The following CTNNA2 variants were observed in gnomAD, a reference collection of about 807,000 sequenced individuals.
CTNNA2 encodes catenin alpha-2.
In CTNNA2, 42 loss-of-function variants were observed where a neutral mutation model predicts 101.0. The ratio of observed to expected loss-of-function variants is 0.42; its 90% CI spans 0.32 to 0.54. The LOEUF is 0.54. Ranked by LOEUF, CTNNA2 falls within the 20% of genes least tolerant of loss-of-function variation. CTNNA2 has a pLI of 0.14. For synonymous variants in CTNNA2, 450 were observed against 456.4 expected, an observed-to-expected ratio of 0.99 and a Z score of 0.18; for missense variants, 871 against 1,223.1, an observed-to-expected ratio of 0.71 and a Z score of 4.29.
intron 7 of CTNNA2, among the ~76,000 whole-genome samples, chr2:80,264,921 T>A (rs1322108400): frequency 6.6e-6 from 1 of 151,540 alleles, no homozygotes; most frequent in East Asian, 1.9e-4. Flanking sequence ...GCATTTCTAA[T>A]GCTTTTTGAC....
chr2:79,358,792 G>T (rs974538909), intron 3 of CTNNA2, among the ~76,000 whole-genome samples: 2 of 152,150 alleles, frequency 1.3e-5, no homozygotes, highest in Non-Finnish European at 2.9e-5. Flanking sequence ...GTTTAAATAA[G>T]TTGTTCAAGT....
At position 80,648,391 on chromosome 2, in the gene CTNNA2, G is replaced by A. The variant is rs570476660; in HGVS notation, c.*519G>A. ...AAGTCTATATCCGTGATATTATGTC[G>A]ATTTTTAACTGAGGGGAAATTAACT... On this transcript the variant is annotated 3_prime_UTR_variant, in exon 19 of 19. Transcript: ENST00000402739. The A allele has an allele frequency of 1.3e-5, 2 of 152,586 alleles. No individual in the cohort carries two copies. The highest frequency in any genetic ancestry group is 2.1e-4 in the South Asian group (1 of 4,832). The allele number at this position is 152,586 out of a possible 1,614,324, so 9.5% of individuals were successfully genotyped here.
intron 9 of CTNNA2, among the ~76,000 whole-genome samples, chr2:80,434,474 T>C (rs573023087): frequency 1.3e-4 from 20 of 151,090 alleles, no homozygotes; most frequent in Non-Finnish European, 2.9e-4. Context: ...TCTGTCTTTC[T>C]TTCTGTGTCT....
At chr2:80,365,891 C>A (rs866311304) in intron 7 of CTNNA2, among the ~76,000 whole-genome samples, 24 of 152,200 alleles carry the variant, frequency 1.6e-4, no homozygotes, top group African/African-American at 5.5e-4. Flanking sequence ...GTGCATTTTT[C>A]CCCCTGTGGT....
intron 7 of CTNNA2, among the ~76,000 whole-genome samples, chr2:80,251,731 A>G (rs967725358): frequency 1.6e-4 from 25 of 152,186 alleles, no homozygotes; most frequent in African/African-American, 6.0e-4. Context: ...AAAATGGCAG[A>G]CAGCAAAACC....
intron 7 of CTNNA2, among the ~76,000 whole-genome samples, chr2:80,042,933 G>A (rs1696165052): frequency 6.6e-6 from 1 of 151,882 alleles, no homozygotes; most frequent in African/African-American, 2.4e-5. Flanking sequence ...TTTCTTCTGT[G>A]GAAGCCCAAG....
chr2:80,417,285 C>T (rs1680131121), intron 8 of CTNNA2, among the ~76,000 whole-genome samples: 1 of 151,056 alleles, frequency 6.6e-6, no homozygotes, highest in Non-Finnish European at 1.5e-5. Context: ...AAAAACCCAC[C>T]TTATCAGCAA....
intron 7 of CTNNA2, among the ~76,000 whole-genome samples, chr2:79,939,888 T>A (rs1688035385): frequency 6.6e-6 from 1 of 151,786 alleles, no homozygotes; most frequent in Non-Finnish European, 1.5e-5. Flanking sequence ...ACGTCGGGAG[T>A]TCGAGACCAG....
chr2:80,420,168 T>C (rs1378700726), intron 9 of CTNNA2, among the ~76,000 whole-genome samples: 1 of 151,518 alleles, frequency 6.6e-6, no homozygotes, highest in Non-Finnish European at 1.5e-5. Flanking sequence ...GAGGAATCTG[T>C]GGGAGTTGTT....
chr2:80,540,793 C>G (rs1219193897), intron 9 of CTNNA2, among the ~76,000 whole-genome samples: 1 of 152,114 alleles, frequency 6.6e-6, no homozygotes, highest in East Asian at 1.9e-4. Flanking sequence ...TTCCCGGTCT[C>G]AAGCGATTCT....
chr2:79,888,089 C>G, intron 6 of CTNNA2, among the ~76,000 whole-genome samples: 1 of 152,148 alleles, frequency 6.6e-6, no homozygotes, highest in Non-Finnish European at 1.5e-5. Flanking sequence ...TTTAGTCTAC[C>G]TATGACAACC....
At chr2:79,432,701 T>G (rs779250864) in intron 4 of CTNNA2, among the ~76,000 whole-genome samples, 29 of 152,310 alleles carry the variant, frequency 1.9e-4, no homozygotes, top group Middle Eastern at 6.8e-3. Context: ...GCTTTAGAGA[T>G]CTGTGAGTTT....
At chr2:80,023,074 G>A (rs930871124) in intron 7 of CTNNA2, among the ~76,000 whole-genome samples, 13 of 152,196 alleles carry the variant, frequency 8.5e-5, no homozygotes, top group African/African-American at 2.7e-4. Context: ...TATGGTAAGC[G>A]TGGGCATCTT....
chr2:80,488,543 C>T (rs1005814299), intron 9 of CTNNA2, among the ~76,000 whole-genome samples: 1 of 152,110 alleles, frequency 6.6e-6, no homozygotes, highest in Admixed American at 6.5e-5. Context: ...GAAGTTCAGG[C>T]TAGGCAAAGA....
At chr2:79,411,296 T>A (rs1678407182) in intron 4 of CTNNA2, among the ~76,000 whole-genome samples, 1 of 151,926 alleles carries the variant, frequency 6.6e-6, no homozygotes, top group African/African-American at 2.4e-5. Flanking sequence ...GTGTCTCTAT[T>A]TCCTTCAGTT....
chr2:80,231,305 C>A (rs775265292), intron 7 of CTNNA2, among the ~76,000 whole-genome samples: 8 of 152,048 alleles, frequency 5.3e-5, no homozygotes, highest in South Asian at 2.1e-4. Flanking sequence ...GTGTTTGAAT[C>A]CATTCTGATC....
intron 16 of CTNNA2, among the ~76,000 whole-genome samples, chr2:80,604,743 G>C (rs983245163): frequency 6.6e-6 from 1 of 151,928 alleles, no homozygotes; most frequent in African/African-American, 2.4e-5. Context: ...CTTGTGGTCA[G>C]GGAACTGAAT....
intron 7 of CTNNA2, among the ~76,000 whole-genome samples, chr2:79,946,387 T>C (rs528353019): frequency 6.6e-6 from 1 of 152,188 alleles, no homozygotes; most frequent in Non-Finnish European, 1.5e-5. Context: ...GCTCACCATG[T>C]TAATTACACT....
Position 79,568,554 on chromosome 2 carries a change from C to T in CTNNA2, c.-6+55347C>T, listed in dbSNP as rs552821470. Among the ~76,000 whole-genome samples, 16 of 151,722 alleles carry T rather than the reference C, an allele frequency of 1.1e-4. No individual in the cohort carries two copies. The East Asian group carries it at 2.1e-3, about 20-fold the overall frequency. On this transcript the variant is annotated intron_variant, in intron 1 of 18. Coordinates refer to ENST00000402739, the MANE Select transcript of CTNNA2 (RefSeq NM_001282597.3). ...CAGAGGTTGCAGTGAGCCAAGATTG[C>T]GCCACTGCACTCCACCTGGGTGACA...
Sources: allele counts gnomAD v4.1 joint callset (sites outside exome capture counted in the v4.1 genomes callset), GRCh38; gene constraint gnomAD v4.1.1; transcripts MANE v1.5; gene names NCBI Gene and HGNC (gene_info 2026-07-23, HGNC 2026-07-21).